The following FMN2 variants were observed in gnomAD, a reference collection of about 807,000 sequenced individuals.
The protein encoded by FMN2 is formin 2.
Under a neutral mutation model 142.3 loss-of-function variants are expected in FMN2, and 51 were observed. That is an observed-to-expected ratio of 0.36 (90% CI 0.29 to 0.45). FMN2 has a LOEUF of 0.45. FMN2 is among the 20% of genes least tolerant of loss of function. The pLI, the probability that FMN2 is intolerant of heterozygous loss-of-function variation, is 1.00. For missense variants in FMN2, 1,936 were observed against 2,122.8 expected (o/e 0.91, Z 1.73); for synonymous variants, 882 against 869.8 (o/e 1.01, Z -0.25).
At chr1:240,167,736 A>G (rs1158234091) in intron 2 of FMN2, among the ~76,000 whole-genome samples, 1 of 152,206 alleles carries the variant, frequency 6.6e-6, no homozygotes, top group Non-Finnish European at 1.5e-5. Flanking sequence ...TATTATTTAT[A>G]AAACCATGTG....
intron 14 of FMN2, among the ~76,000 whole-genome samples, chr1:240,369,360 G>T (rs146230437): frequency 1.3e-5 from 2 of 152,140 alleles, no homozygotes; most frequent in Non-Finnish European, 2.9e-5. Flanking sequence ...TTCCTTTCCA[G>T]TGTTTTAGTT....
At chr1:240,395,179 A>G (rs368795774) in intron 15 of FMN2, among the ~76,000 whole-genome samples, 7 of 152,206 alleles carry the variant, frequency 4.6e-5, no homozygotes, top group African/African-American at 1.4e-4. Flanking sequence ...TGTTTACAGC[A>G]TAGCTTACTG....
intron 8 of FMN2, among the ~76,000 whole-genome samples, chr1:240,300,449 G>C (rs1204125583): frequency 3.3e-5 from 5 of 152,036 alleles, no homozygotes; most frequent in Admixed American, 1.3e-4. Flanking sequence ...ATTTACCATT[G>C]TTTCCTCATT....
intron 6 of FMN2, among the ~76,000 whole-genome samples, chr1:240,231,550 C>T (rs2102847737): frequency 6.6e-6 from 1 of 152,272 alleles, no homozygotes; most frequent in East Asian, 1.9e-4. Flanking sequence ...AAAAGCACAG[C>T]TTCTGAATAG....
At chr1:240,094,198 C>G (rs1572740094) in intron 1 of FMN2, among the ~76,000 whole-genome samples, 1 of 152,160 alleles carries the variant, frequency 6.6e-6, no homozygotes, top group African/African-American at 2.4e-5. Context: ...TCTGACCGCT[C>G]TCATAGCTGT....
chr1:240,351,276 G>A (rs533209228), intron 13 of FMN2, among the ~76,000 whole-genome samples: 7 of 152,302 alleles, frequency 4.6e-5, no homozygotes, highest in African/African-American at 1.7e-4. Context: ...TCAGTATACA[G>A]TTGGGAATTC....
rs188037220 is a variant in FMN2 at position 240,144,378 on chromosome 1, C to T, written c.1782+21033C>T. The T allele has an allele frequency of 3.6e-5, 58 of 1,607,190 alleles. No homozygotes were observed. The African/African-American group carries it at 5.6e-4, about 16-fold the overall frequency. ...GGCTCCATGATGTCCAGCTCCCGAG[C>T]TAAGGCCAAGAAGTTGCTGTTGAGC... On this transcript the variant is annotated intron_variant, in intron 2 of 17. Coordinates refer to ENST00000319653, the MANE Select transcript of FMN2 (RefSeq NM_020066.5).
intron 16 of FMN2, among the ~76,000 whole-genome samples, chr1:240,466,884 G>T (rs1676637178): frequency 6.6e-6 from 1 of 152,186 alleles, no homozygotes. Context: ...GGAGAAGCCT[G>T]CGACAACTGA....
At chr1:240,375,800 A>G (rs1180354666) in intron 14 of FMN2, among the ~76,000 whole-genome samples, 2 of 152,132 alleles carry the variant, frequency 1.3e-5, no homozygotes, top group Non-Finnish European at 2.9e-5. Flanking sequence ...AAATGTCTCC[A>G]TTGCTTTGAC....
chr1:240,388,178 CA>C (rs71170738), intron 14 of FMN2, among the ~76,000 whole-genome samples: 5,048 of 11,718 alleles, frequency 0.43, 693 homozygotes, highest in East Asian at 0.57. Flanking sequence ...ACTCCCATCT[CA>C]AAAAAAAAAA....
chr1:240,266,746 A>G (rs1303310971), intron 7 of FMN2, among the ~76,000 whole-genome samples: 2 of 151,970 alleles, frequency 1.3e-5, no homozygotes, highest in African/African-American at 2.4e-5. Context: ...TGGTACAAAA[A>G]GACACATAGA....
At chr1:240,468,090 A>G (rs1407911566) in intron 16 of FMN2, among the ~76,000 whole-genome samples, 1 of 152,126 alleles carries the variant, frequency 6.6e-6, no homozygotes, top group East Asian at 1.9e-4. Context: ...CCTATCACAG[A>G]TGTCATCTTA....
intron 15 of FMN2, among the ~76,000 whole-genome samples, chr1:240,395,074 C>T (rs971171645): frequency 1.3e-5 from 2 of 152,154 alleles, no homozygotes; most frequent in East Asian, 3.9e-4. Flanking sequence ...GAAGCCAGTG[C>T]ACATTCACCA....
chr1:240,346,551 G>C (rs958973805), intron 13 of FMN2, among the ~76,000 whole-genome samples: 1 of 152,198 alleles, frequency 6.6e-6, no homozygotes, highest in Non-Finnish European at 1.5e-5. Context: ...GGGCCTGAGA[G>C]AGGGACAGAG....
chr1:240,191,718 C>T (rs1023610578), intron 4 of FMN2, among the ~76,000 whole-genome samples: 22 of 152,330 alleles, frequency 1.4e-4, no homozygotes, highest in African/African-American at 5.1e-4. Flanking sequence ...TAACATGCTT[C>T]ACCTGGTAGC....
chr1:240,377,312 GT>G (rs56014009), intron 14 of FMN2, among the ~76,000 whole-genome samples: 49,289 of 146,564 alleles, frequency 0.34, 8,114 homozygotes, highest in Admixed American at 0.43. Flanking sequence ...CAGTTAACAG[GT>G]TTTTTTTTTT....
chr1:240,378,011 C>T (rs548329609), intron 14 of FMN2, among the ~76,000 whole-genome samples: 1 of 151,846 alleles, frequency 6.6e-6, no homozygotes, highest in Non-Finnish European at 1.5e-5. Context: ...AATGTGTTTC[C>T]CCACTCCTTC....
At chr1:240,337,876 A>G (rs1011082998) in intron 13 of FMN2, among the ~76,000 whole-genome samples, 3 of 152,158 alleles carry the variant, frequency 2.0e-5, no homozygotes, top group African/African-American at 7.2e-5. Flanking sequence ...CAAGATTTCC[A>G]TATTTCCTCA....
intron 7 of FMN2, among the ~76,000 whole-genome samples, chr1:240,262,714 A>G (rs1427082837): frequency 1.3e-5 from 2 of 150,454 alleles, no homozygotes; most frequent in Non-Finnish European, 3.0e-5. Context: ...AGGGGATGTC[A>G]TTGATAATAT....
Sources: allele counts gnomAD v4.1 joint callset (sites outside exome capture counted in the v4.1 genomes callset), GRCh38; gene constraint gnomAD v4.1.1; transcripts MANE v1.5; gene names NCBI Gene and HGNC (gene_info 2026-07-23, HGNC 2026-07-21).